Variants in ATF7IP observed in about 807,000 individuals in gnomAD.
The protein encoded by ATF7IP is activating transcription factor 7-interacting protein 1.
A neutral mutation model predicts 106.4 loss-of-function variants in ATF7IP; 23 were observed. The ratio of observed to expected loss-of-function variants is 0.22; its 90% CI spans 0.16 to 0.31. The LOEUF is 0.31. ATF7IP is among the 10% of genes least tolerant of loss of function. The pLI is 1.00. For synonymous variants in ATF7IP, 542 were observed against 539.0 expected, an observed-to-expected ratio of 1.01 and a Z score of -0.08; for missense variants, 1,334 against 1,524.3, an observed-to-expected ratio of 0.88 and a Z score of 2.08.
intron 6 of ATF7IP, among the ~76,000 whole-genome samples, chr12:14,455,678 C>T (rs1021576972): frequency 2.0e-5 from 3 of 152,014 alleles, no homozygotes; most frequent in South Asian, 2.1e-4. Context: ...TCTGCCTCCT[C>T]GGCTCAAGCT....
At chr12:14,411,006 A>T (rs910370702) in intron 1 of ATF7IP, among the ~76,000 whole-genome samples, 3 of 152,102 alleles carry the variant, frequency 2.0e-5, no homozygotes, top group East Asian at 3.8e-4. Context: ...GATATACCAC[A>T]TTTTATTTAT....
At chr12:14,399,314 C>G (rs1482935891) in intron 1 of ATF7IP, among the ~76,000 whole-genome samples, 3 of 152,108 alleles carry the variant, frequency 2.0e-5, no homozygotes, top group Non-Finnish European at 4.4e-5. Flanking sequence ...GTGAAAATAA[C>G]TTTTCCCATG....
chr12:14,471,654 A>G (rs891055072), intron 10 of ATF7IP, among the ~76,000 whole-genome samples: 1 of 152,182 alleles, frequency 6.6e-6, no homozygotes, highest in African/African-American at 2.4e-5. Flanking sequence ...CCTTCTTCAC[A>G]TAAGGGCAGG....
chr12:14,431,420 C>A (rs56143961), intron 2 of ATF7IP, among the ~76,000 whole-genome samples: 81,519 of 149,202 alleles, frequency 0.55, 22,661 homozygotes, highest in African/African-American at 0.66. Flanking sequence ...TTTGAGATGG[C>A]GTCTCGCTCT....
At position 14,500,491 on chromosome 12, in the gene ATF7IP, G is replaced by A. The variant is rs372345787; in HGVS notation, c.*2418G>A. On this transcript the variant is annotated 3_prime_UTR_variant, in exon 15 of 15. Transcript: ENST00000261168. ...TTATGGCAATGAAAATTTCAGAAAG[G>A]AGGAGTTGATGATCTTCTAGATGTA... 1.3e-5 allele frequency: 2 copies of A among 152,060 alleles called. No individual in the cohort carries two copies. Among genetic ancestry groups the A allele is most frequent in the East Asian group, 3.8e-4 (2 of 5,202 alleles). The allele number at this position is 152,060 out of a possible 1,614,324, so 9.4% of individuals were successfully genotyped here.
In ATF7IP at chr12:14,375,413, G is replaced by A. The variant is rs547238889; in HGVS notation, c.-8+9586G>A. ...TAAAATATGACTGTGAAGAACCTAC[G>A]TATGTAAATTAATAAGGGTTTGAGG... On this transcript the variant is annotated intron_variant, in intron 1 of 14. Transcript: ENST00000261168. Among the ~76,000 whole-genome samples, 5 of 152,060 alleles carry A rather than the reference G, an allele frequency of 3.3e-5. No individual in the cohort carries two copies. The East Asian group carries it at 5.8e-4, about 18-fold the overall frequency.
chr12:14,483,441 A>G (rs186870637), intron 13 of ATF7IP, among the ~76,000 whole-genome samples: 35 of 152,268 alleles, frequency 2.3e-4, no homozygotes, highest in African/African-American at 6.7e-4. Context: ...CTTAAAGGTA[A>G]GAGGAGCCCA....
At chr12:14,485,876 A>G (rs937287186) in intron 13 of ATF7IP, among the ~76,000 whole-genome samples, 6 of 152,346 alleles carry the variant, frequency 3.9e-5, no homozygotes, top group African/African-American at 1.4e-4. Flanking sequence ...TGTCTTCTGC[A>G]TAGGCCACAT....
At chr12:14,478,774 T>C (rs1306145878) in intron 12 of ATF7IP, among the ~76,000 whole-genome samples, 1 of 152,180 alleles carries the variant, frequency 6.6e-6, no homozygotes, top group African/African-American at 2.4e-5. Context: ...GTTATAATAT[T>C]TAGAAACTGT....
intron 13 of ATF7IP, among the ~76,000 whole-genome samples, chr12:14,495,502 C>T (rs1376048893): frequency 6.6e-6 from 1 of 152,180 alleles, no homozygotes; most frequent in Non-Finnish European, 1.5e-5. Flanking sequence ...GGAAACTTGG[C>T]TCACTATAGT....
At chr12:14,434,195 T>TC (rs1198971768) in intron 2 of ATF7IP, 142 bp from the exon 3 acceptor site, 3 of 579,826 alleles carry the variant, frequency 5.2e-6, no homozygotes, top group Non-Finnish European at 6.1e-6. Flanking sequence ...GCTCCCCTTT[T>TC]CCCCTCCCCA....
At chr12:14,431,507 G>C (rs532122330) in intron 2 of ATF7IP, among the ~76,000 whole-genome samples, 2 of 151,466 alleles carry the variant, frequency 1.3e-5, no homozygotes, top group South Asian at 4.2e-4. Context: ...CGACTCTCCT[G>C]TCTCAGCCTC....
chr12:14,426,887 C>A (rs139538544), intron 2 of ATF7IP, among the ~76,000 whole-genome samples: 2,445 of 144,078 alleles, frequency 0.017, 84 homozygotes, highest in African/African-American at 0.06. Context: ...TTCAACTAAA[C>A]CTATATAAAG....
intron 9 of ATF7IP, among the ~76,000 whole-genome samples, chr12:14,464,429 C>A (rs909668455): frequency 2.6e-5 from 4 of 152,224 alleles, no homozygotes; most frequent in Non-Finnish European, 5.9e-5. Context: ...TTTTTCTGTT[C>A]ATACAATTAT....
At chr12:14,487,575 G>A (rs1307825704) in intron 13 of ATF7IP, among the ~76,000 whole-genome samples, 2 of 152,156 alleles carry the variant, frequency 1.3e-5, no homozygotes, top group South Asian at 2.1e-4. Context: ...ACTGGGTGTA[G>A]GGAAGCTGTT....
intron 2 of ATF7IP, 31 bp downstream of exon 2, chr12:14,425,504 T>C: frequency 3.4e-6 from 5 of 1,489,878 alleles, no homozygotes; most frequent in Non-Finnish European, 4.5e-6. Flanking sequence ...TTAAAGATTT[T>C]TTATTGACTT....
intron 1 of ATF7IP, among the ~76,000 whole-genome samples, chr12:14,409,650 A>G (rs1462838826): frequency 1.3e-5 from 2 of 152,150 alleles, no homozygotes; most frequent in Non-Finnish European, 2.9e-5. Context: ...CATTTGGGAC[A>G]GGGAAAAAGA....
intron 10 of ATF7IP, among the ~76,000 whole-genome samples, chr12:14,472,082 A>G (rs1210692450): frequency 1.3e-5 from 2 of 151,810 alleles, no homozygotes; most frequent in Non-Finnish European, 2.9e-5. Context: ...CAAAGTGTAT[A>G]TTAGTGCCAC....
At chr12:14,452,415 TTCTTG>T (rs1175874483) in intron 6 of ATF7IP, among the ~76,000 whole-genome samples, 24 of 152,180 alleles carry the variant, frequency 1.6e-4, no homozygotes, top group Admixed American at 1.4e-3. Context: ...TTTTTTTTGT[TTCTTG>T]ATTCCTTTGT....
Sources: gnomAD v4.1 joint callset for allele counts (sites outside exome capture counted in the v4.1 genomes callset) on GRCh38, gnomAD v4.1.1 for gene constraint, MANE v1.5 for transcripts, NCBI Gene and HGNC (gene_info 2026-07-23, HGNC 2026-07-21) for gene names.